Variants in GMDS observed in about 807,000 individuals in gnomAD.
The protein encoded by GMDS is GDP-mannose 4,6 dehydratase.
GMDS carries 20 observed loss-of-function variants against 49.9 expected under a neutral mutation model. The observed-to-expected ratio is 0.40, with a 90% CI of 0.28 to 0.58. The LOEUF (loss-of-function observed/expected upper bound fraction) is 0.58. Among genes scored for constraint, GMDS ranks in the 20% least tolerant of loss-of-function variants. GMDS has a pLI of 0.42. For synonymous variants in GMDS, 177 were observed against 178.6 expected (o/e 0.99, Z 0.07); for missense variants, 362 against 481.4 (o/e 0.75, Z 2.32).
intron 8 of GMDS, among the ~76,000 whole-genome samples, chr6:1,737,729 C>CACACACACACAT (rs1370255945): frequency 1.5e-5 from 2 of 134,278 alleles, no homozygotes; most frequent in Admixed American, 1.5e-4. Flanking sequence ...ACACCACAAA[C>CACACACACACAT]ACACACACAC....
chr6:1,991,736 A>G (rs1765953111), intron 4 of GMDS, among the ~76,000 whole-genome samples: 1 of 152,210 alleles, frequency 6.6e-6, no homozygotes, highest in Non-Finnish European at 1.5e-5. Context: ...CAGAAAAGAC[A>G]TGTGTAAGTC....
At chr6:1,708,506 G>A (rs1183405788) in intron 9 of GMDS, among the ~76,000 whole-genome samples, 6 of 152,192 alleles carry the variant, frequency 3.9e-5, no homozygotes, top group Non-Finnish European at 7.3e-5. Context: ...CCGCACAATC[G>A]AGTATGGTGT....
At chr6:1,860,437 T>A (rs2113783720) in intron 7 of GMDS, among the ~76,000 whole-genome samples, 1 of 152,166 alleles carries the variant, frequency 6.6e-6, no homozygotes, top group South Asian at 2.1e-4. Flanking sequence ...GCAGAAAACA[T>A]TAGAGATTAT....
At chr6:2,158,414 A>C (rs1275404367) in intron 1 of GMDS, among the ~76,000 whole-genome samples, 2 of 152,214 alleles carry the variant, frequency 1.3e-5, no homozygotes, top group African/African-American at 2.4e-5. Flanking sequence ...GTAAAGCATA[A>C]ATATGTGACA....
intron 1 of GMDS, among the ~76,000 whole-genome samples, chr6:2,184,828 T>C (rs1034318818): frequency 1.6e-4 from 25 of 152,224 alleles, no homozygotes; most frequent in African/African-American, 6.0e-4. Context: ...GTTTATACCA[T>C]TGGGAACCAT....
At position 2,138,450 on chromosome 6, in the gene GMDS, G is replaced by A. The variant is rs373689720; in HGVS notation, c.103-13719C>T. On this transcript the variant is annotated intron_variant, in intron 1 of 10. Coordinates refer to ENST00000380815, the MANE Select transcript of GMDS (RefSeq NM_001500.4). ...CATGAATCCAAGACACTGTATAGGT[G>A]GCCAAAGTTACAGGCTCATACTCTG... 1.8e-4 allele frequency among the ~76,000 whole-genome samples: 27 copies of A among 152,230 alleles called. No individual in the cohort carries two copies. In the East Asian group the frequency reaches 4.2e-3, roughly 24 times the overall value.
intron 1 of GMDS, among the ~76,000 whole-genome samples, chr6:2,232,537 T>A (rs1781156971): frequency 6.6e-6 from 1 of 152,212 alleles, no homozygotes; most frequent in South Asian, 2.1e-4. Context: ...GTTTGTCATC[T>A]TACCGTCCAC....
intron 8 of GMDS, 99 bp downstream of exon 8, chr6:1,742,369 G>A (rs755286347): frequency 2.8e-6 from 2 of 707,190 alleles, no homozygotes; most frequent in Non-Finnish European, 5.2e-6. Context: ...CTCTTCAGGA[G>A]AGTGAAGGGG....
At chr6:1,794,222 T>G (rs1038782847) in intron 7 of GMDS, among the ~76,000 whole-genome samples, 14 of 152,174 alleles carry the variant, frequency 9.2e-5, no homozygotes, top group Admixed American at 4.6e-4. Flanking sequence ...AGATTTCCAG[T>G]TAAATAATTG....
At chr6:2,004,129 A>T (rs1366599874) in intron 4 of GMDS, among the ~76,000 whole-genome samples, 1 of 152,224 alleles carries the variant, frequency 6.6e-6, no homozygotes, top group African/African-American at 2.4e-5. Flanking sequence ...CTACATTTAA[A>T]ATTATTTATT....
chr6:2,057,307 T>C (rs1426846205), intron 4 of GMDS, among the ~76,000 whole-genome samples: 1 of 152,196 alleles, frequency 6.6e-6, no homozygotes, highest in Non-Finnish European at 1.5e-5. Flanking sequence ...TAGTTCAGTG[T>C]CAGAACAGAG....
At chr6:2,054,982 A>G (rs927905046) in intron 4 of GMDS, among the ~76,000 whole-genome samples, 2 of 151,950 alleles carry the variant, frequency 1.3e-5, no homozygotes, top group African/African-American at 4.8e-5. Flanking sequence ...AATGAAAGGA[A>G]TATCATCAGA....
At chr6:1,727,130 G>C (rs1322354576) in intron 8 of GMDS, among the ~76,000 whole-genome samples, 1 of 152,114 alleles carries the variant, frequency 6.6e-6, no homozygotes, top group South Asian at 2.1e-4. Context: ...TTCCTGCTGA[G>C]TGAGGGTATA....
At chr6:1,794,316 C>CAA (rs34140629) in intron 7 of GMDS, among the ~76,000 whole-genome samples, 3 of 148,586 alleles carry the variant, frequency 2.0e-5, no homozygotes, top group Admixed American at 1.3e-4. Flanking sequence ...TTCACTGAGG[C>CAA]AAAAAAAAAA....
intron 6 of GMDS, among the ~76,000 whole-genome samples, chr6:1,944,814 T>C (rs1335728693): frequency 1.3e-5 from 2 of 152,112 alleles, no homozygotes; most frequent in Non-Finnish European, 2.9e-5. Flanking sequence ...TGATAGAAAA[T>C]TGGGACAAGA....
intron 7 of GMDS, among the ~76,000 whole-genome samples, chr6:1,765,987 A>C (rs1472397295): frequency 6.6e-6 from 1 of 152,170 alleles, no homozygotes; most frequent in East Asian, 1.9e-4. Context: ...GGGTCCTTCG[A>C]AACATGCCTG....
chr6:2,200,180 C>T (rs1217693823), intron 1 of GMDS, among the ~76,000 whole-genome samples: 1 of 152,072 alleles, frequency 6.6e-6, no homozygotes, highest in Admixed American at 6.6e-5. Context: ...ATTCTGTAGA[C>T]AAGGGACACA....
intron 4 of GMDS, among the ~76,000 whole-genome samples, chr6:2,053,718 A>G (rs2127439596): frequency 6.6e-6 from 1 of 152,218 alleles, no homozygotes; most frequent in African/African-American, 2.4e-5. Flanking sequence ...AAGGGATTAA[A>G]CACACTGAGA....
In GMDS at chr6:1,940,757, T is replaced by C. The variant is rs545084865; in HGVS notation, c.644-10527A>G. 4.0e-4 allele frequency among the ~76,000 whole-genome samples: 61 copies of C among 152,406 alleles called. 1 individual carries two copies. The South Asian group carries it at 0.013, about 32-fold the overall frequency. On this transcript the variant is annotated intron_variant, in intron 6 of 10. Transcript: ENST00000380815. ...AAGAGAAATGTTCAAACTACTTTGC[T>C]ATTTGTATCAAATGTTCAATGCATT...
Sources: gnomAD v4.1 joint callset for allele counts (sites outside exome capture counted in the v4.1 genomes callset) on GRCh38, gnomAD v4.1.1 for gene constraint, MANE v1.5 for transcripts, NCBI Gene and HGNC (gene_info 2026-07-23, HGNC 2026-07-21) for gene names.